The following NKAIN2 variants were observed in gnomAD, a reference collection of about 807,000 sequenced individuals.
The protein encoded by NKAIN2 is sodium/potassium transporting ATPase interacting 2, also known as sodium/potassium-transporting ATPase subunit beta-1-interacting protein 2.
Under a neutral mutation model 32.6 loss-of-function variants are expected in NKAIN2, and 14 were observed. The ratio of observed to expected loss-of-function variants is 0.43; its 90% CI spans 0.28 to 0.67. NKAIN2 has a LOEUF of 0.67. Among genes scored for constraint, NKAIN2 ranks in the 30% least tolerant of loss-of-function variants. NKAIN2 has a pLI of 0.17. For missense variants in NKAIN2, 198 were observed against 258.3 expected (o/e 0.77, Z 1.60); for synonymous variants, 80 against 87.2 (o/e 0.92, Z 0.46).
intron 3 of NKAIN2, among the ~76,000 whole-genome samples, chr6:124,446,061 T>A (rs1460952418): frequency 6.6e-6 from 1 of 152,144 alleles, no homozygotes. Flanking sequence ...GGCAGAACAT[T>A]GGTCTTGTTG....
At chr6:123,973,194 C>G (rs1778417130) in intron 1 of NKAIN2, among the ~76,000 whole-genome samples, 1 of 152,032 alleles carries the variant, frequency 6.6e-6, no homozygotes, top group Non-Finnish European at 1.5e-5. Flanking sequence ...CCAGGAAAGT[C>G]TAATGTCACC....
At chr6:124,004,540 A>C (rs73557102) in intron 1 of NKAIN2, among the ~76,000 whole-genome samples, 54,055 of 151,114 alleles carry the variant, frequency 0.36, 9,994 homozygotes, top group East Asian at 0.6. Context: ...AGATTAAAAA[A>C]ATTTTCAGTT....
intron 3 of NKAIN2, among the ~76,000 whole-genome samples, chr6:124,450,125 T>C (rs1201719805): frequency 5.3e-5 from 8 of 152,084 alleles, no homozygotes; most frequent in Admixed American, 1.3e-4. Context: ...TATTTTCCAA[T>C]ATTAACTGCA....
At position 124,355,250 on chromosome 6, in the gene NKAIN2, C is replaced by G; in HGVS notation, c.193-17C>G. The G allele has an allele frequency of 6.6e-7, 1 of 1,522,912 alleles. No homozygotes were observed. The highest frequency in any genetic ancestry group is 9.1e-7 in the Non-Finnish European group (1 of 1,099,780). 94.3% of individuals were successfully genotyped at this position (1,522,912 alleles called of 1,614,324 possible). On this transcript the variant is annotated splice_polypyrimidine_tract_variant and intron_variant, in intron 2 of 6. Coordinates refer to ENST00000368417, the MANE Select transcript of NKAIN2 (RefSeq NM_001040214.3). ...TCCAAATTAATTATACGTTATTTCTCTCTTGCTTCTCTACAGTATGCTGTC... is the reference window on the plus strand; with the variant it reads ...TCCAAATTAATTATACGTTATTTCTGTCTTGCTTCTCTACAGTATGCTGTC...
chr6:124,595,505 G>A (rs992548359), intron 3 of NKAIN2, among the ~76,000 whole-genome samples: 9 of 152,158 alleles, frequency 5.9e-5, no homozygotes, highest in Admixed American at 5.9e-4. Flanking sequence ...TGAAGATCTG[G>A]ATTTGAAAGA....
At position 123,804,037 on chromosome 6, in the gene NKAIN2, T is replaced by C; in HGVS notation, c.-164T>C. The C allele has an allele frequency of 2.8e-6, 2 of 722,704 alleles. No homozygotes were observed. The highest frequency in any genetic ancestry group is 5.0e-6 in the Non-Finnish European group (2 of 401,440). 44.8% of individuals were successfully genotyped at this position (722,704 alleles called of 1,614,324 possible). A position where few individuals can be genotyped will look rare whatever the true frequency, so the allele number is the denominator to read the frequency against. ...CCGCCGCCGCCGCCGCGCCAGCAGG[T>C]CCTAATGCCTGTCACTTCCCAGGAC... On this transcript the variant is annotated 5_prime_UTR_variant, in exon 1 of 7. Transcript: ENST00000368417.
At chr6:124,453,402 C>T (rs1358667826) in intron 3 of NKAIN2, among the ~76,000 whole-genome samples, 1 of 146,688 alleles carries the variant, frequency 6.8e-6, no homozygotes, top group Non-Finnish European at 1.5e-5. Flanking sequence ...TCCAATCAAG[C>T]AATGAATACA....
At position 124,200,656 on chromosome 6, in the gene NKAIN2, A is replaced by G. The variant is rs1339212388; in HGVS notation, c.55-82349A>G. Among the ~76,000 whole-genome samples the G allele has an allele frequency of 3.3e-5, 5 of 152,146 alleles. No individual in the cohort carries two copies. The East Asian group carries it at 7.7e-4, about 23-fold the overall frequency. On this transcript the variant is annotated intron_variant, in intron 1 of 6. Coordinates refer to ENST00000368417, the MANE Select transcript of NKAIN2 (RefSeq NM_001040214.3). The stretch of plus-strand genomic sequence containing the variant: ...AAGAATTAAGAATTATATTATAAGA[A>G]CAGCACAATAAATTGTGCCTCGTCT...
chr6:124,231,394 G>A (rs1345952930), intron 1 of NKAIN2, among the ~76,000 whole-genome samples: 1 of 152,158 alleles, frequency 6.6e-6, no homozygotes, highest in Non-Finnish European at 1.5e-5. Flanking sequence ...AGACTTTGGG[G>A]GACTGTTGAG....
chr6:124,639,796 G>A (rs1783917737), intron 3 of NKAIN2, among the ~76,000 whole-genome samples: 1 of 152,126 alleles, frequency 6.6e-6, no homozygotes, highest in African/African-American at 2.4e-5. Flanking sequence ...CATAGAAGTG[G>A]AGAGTAGAGT....
At chr6:124,474,945 T>C (rs1777139451) in intron 3 of NKAIN2, among the ~76,000 whole-genome samples, 1 of 148,124 alleles carries the variant, frequency 6.8e-6, no homozygotes, top group African/African-American at 2.5e-5. Flanking sequence ...GTATATATCA[T>C]ATATACATAT....
intron 4 of NKAIN2, among the ~76,000 whole-genome samples, chr6:124,737,536 T>C (rs764990164): frequency 6.6e-6 from 1 of 151,860 alleles, no homozygotes; most frequent in Non-Finnish European, 1.5e-5. Context: ...GCTATGAAGA[T>C]GCTCGAAAAT....
intron 1 of NKAIN2, among the ~76,000 whole-genome samples, chr6:124,130,241 C>A (rs1414148467): frequency 2.6e-5 from 4 of 152,164 alleles, no homozygotes; most frequent in African/African-American, 9.7e-5. Flanking sequence ...ACAACAAAAG[C>A]ACCAGAGATC....
intron 3 of NKAIN2, among the ~76,000 whole-genome samples, chr6:124,404,681 T>G (rs1054098542): frequency 3.9e-5 from 6 of 152,010 alleles, no homozygotes; most frequent in African/African-American, 7.2e-5. Flanking sequence ...AAACACTTAT[T>G]TTTTGAATAT....
chr6:124,436,049 G>C (rs528115007), intron 3 of NKAIN2, among the ~76,000 whole-genome samples: 1 of 152,258 alleles, frequency 6.6e-6, no homozygotes, highest in Admixed American at 6.5e-5. Context: ...AGAATTAAAT[G>C]ATAGACAGTA....
At chr6:123,866,205 T>A (rs1471016385) in intron 1 of NKAIN2, among the ~76,000 whole-genome samples, 1 of 152,172 alleles carries the variant, frequency 6.6e-6, no homozygotes, top group Admixed American at 6.5e-5. Flanking sequence ...ACATCTCTTC[T>A]TGTATTTACT....
intron 1 of NKAIN2, among the ~76,000 whole-genome samples, chr6:124,269,416 G>A (rs1794646114): frequency 1.3e-5 from 2 of 150,180 alleles, no homozygotes; most frequent in African/African-American, 4.9e-5. Flanking sequence ...TGTAGTTCTG[G>A]TGGCAATTTC....
chr6:124,518,342 T>C (rs1375201408), intron 3 of NKAIN2, among the ~76,000 whole-genome samples: 1 of 150,818 alleles, frequency 6.6e-6, no homozygotes, highest in Non-Finnish European at 1.5e-5. Flanking sequence ...AAAAGAGGCA[T>C]AGTACAAGTG....
At chr6:123,887,899 C>T (rs1310407790) in intron 1 of NKAIN2, among the ~76,000 whole-genome samples, 1 of 151,936 alleles carries the variant, frequency 6.6e-6, no homozygotes, top group Non-Finnish European at 1.5e-5. Flanking sequence ...ACATTAGAGC[C>T]CTATTCCTTA....
Sources: gnomAD v4.1 joint callset for allele counts (sites outside exome capture counted in the v4.1 genomes callset) on GRCh38, gnomAD v4.1.1 for gene constraint, MANE v1.5 for transcripts, NCBI Gene and HGNC (gene_info 2026-07-23, HGNC 2026-07-21) for gene names.